MAGI2: variants seen among roughly 807,000 people sequenced by gnomAD.
MAGI2 encodes the protein membrane-associated guanylate kinase, WW and PDZ domain-containing protein 2.
Under a neutral mutation model 133.3 loss-of-function variants are expected in MAGI2, and 35 were observed. The observed-to-expected ratio is 0.26, with a 90% CI of 0.20 to 0.35. MAGI2 has a LOEUF of 0.35. Ranked by LOEUF, MAGI2 falls within the 10% of genes least tolerant of loss-of-function variation. MAGI2 has a pLI of 1.00. For missense variants in MAGI2, 1,636 were observed against 1,863.4 expected (o/e 0.88, Z 2.25); for synonymous variants, 729 against 710.6 (o/e 1.03, Z -0.41).
At chr7:78,456,428 C>T (rs1789328410) in intron 6 of MAGI2, among the ~76,000 whole-genome samples, 1 of 152,102 alleles carries the variant, frequency 6.6e-6, no homozygotes, top group Non-Finnish European at 1.5e-5. Context: ...GGGACTTTTG[C>T]AGTCATCACT....
At chr7:78,495,539 G>A (rs1452457045) in intron 5 of MAGI2, among the ~76,000 whole-genome samples, 2 of 151,946 alleles carry the variant, frequency 1.3e-5, no homozygotes, top group African/African-American at 2.4e-5. Context: ...GGCAATGATC[G>A]GATATATCTA....
chr7:79,285,767 T>C (rs1357284102), intron 1 of MAGI2, among the ~76,000 whole-genome samples: 1 of 152,148 alleles, frequency 6.6e-6, no homozygotes, highest in Non-Finnish European at 1.5e-5. Flanking sequence ...AACGATACTC[T>C]GAAAACTACT....
chr7:79,229,278 GTTTTT>G, intron 1 of MAGI2, among the ~76,000 whole-genome samples: 1 of 152,122 alleles, frequency 6.6e-6, no homozygotes, highest in South Asian at 2.1e-4. Flanking sequence ...GAACATTATT[GTTTTT>G]TTCTACCTCC....
chr7:78,415,879 A>C (rs1798251686), intron 6 of MAGI2, among the ~76,000 whole-genome samples: 2 of 152,296 alleles, frequency 1.3e-5, no homozygotes, highest in South Asian at 4.1e-4. Context: ...TCAACATTTC[A>C]TCTTTGCAGC....
chr7:79,303,891 A>G (rs111335834), intron 1 of MAGI2, among the ~76,000 whole-genome samples: 5,537 of 152,248 alleles, frequency 0.036, 168 homozygotes, highest in Non-Finnish European at 0.051. Flanking sequence ...TTGCTAGATC[A>G]TATCTCCTTC....
chr7:78,994,121 T>G (rs727652), intron 2 of MAGI2, among the ~76,000 whole-genome samples: 99,465 of 151,860 alleles, frequency 0.65, 32,940 homozygotes, highest in Non-Finnish European at 0.7. Context: ...AGAAAACCAG[T>G]AGGAGTCTTG....
intron 1 of MAGI2, among the ~76,000 whole-genome samples, chr7:79,179,416 A>T (rs540861778): frequency 1.3e-5 from 2 of 152,164 alleles, no homozygotes; most frequent in African/African-American, 4.8e-5. Flanking sequence ...ACAGAAATAG[A>T]AAAAACAATC....
intron 1 of MAGI2, chr7:79,012,099 G>A (rs2116592144): frequency 6.6e-6 from 1 of 152,118 alleles, no homozygotes; most frequent in African/African-American, 2.4e-5. Flanking sequence ...GGCTATAGAA[G>A]CAGAGTGCCC....
intron 1 of MAGI2, among the ~76,000 whole-genome samples, chr7:79,112,926 T>G (rs570359509): frequency 6.6e-6 from 1 of 152,236 alleles, no homozygotes; most frequent in African/African-American, 2.4e-5. Context: ...AAATGTAAGA[T>G]AGTTAAACTA....
intron 9 of MAGI2, among the ~76,000 whole-genome samples, chr7:78,308,712 T>G (rs1017124039): frequency 6.6e-6 from 1 of 152,082 alleles, no homozygotes; most frequent in South Asian, 2.1e-4. Flanking sequence ...CCTCCTTAGG[T>G]CTATACTTGA....
intron 6 of MAGI2, among the ~76,000 whole-genome samples, chr7:78,405,861 C>A (rs924075339): frequency 1.3e-5 from 2 of 151,806 alleles, no homozygotes; most frequent in Non-Finnish European, 2.9e-5. Context: ...CTACAAAAAA[C>A]AATAAGCCTT....
intron 6 of MAGI2, among the ~76,000 whole-genome samples, chr7:78,447,992 T>G (rs1788328262): frequency 6.6e-6 from 1 of 152,160 alleles, no homozygotes; most frequent in African/African-American, 2.4e-5. Context: ...CTTCTTTAGA[T>G]TCTACATATA....
At chr7:78,523,434 G>A (rs377621461) in intron 3 of MAGI2, among the ~76,000 whole-genome samples, 52 of 151,990 alleles carry the variant, frequency 3.4e-4, no homozygotes, top group East Asian at 2.5e-3. Context: ...AGCTGAGATC[G>A]CGCCACTGCA....
chr7:79,162,135 T>C (rs974475610), intron 1 of MAGI2, among the ~76,000 whole-genome samples: 7 of 152,098 alleles, frequency 4.6e-5, no homozygotes, highest in African/African-American at 1.4e-4. Context: ...TAAGTTGTTT[T>C]TTCGATCACA....
intron 1 of MAGI2, among the ~76,000 whole-genome samples, chr7:79,044,060 C>T (rs903664854): frequency 2.0e-5 from 3 of 152,084 alleles, no homozygotes; most frequent in African/African-American, 4.8e-5. Context: ...GGTGGGACTG[C>T]TCCCTAACTC....
At chr7:78,900,519 C>T (rs1054868005) in intron 2 of MAGI2, among the ~76,000 whole-genome samples, 5 of 152,062 alleles carry the variant, frequency 3.3e-5, no homozygotes, top group Admixed American at 1.3e-4. Flanking sequence ...CGGCCCTCTA[C>T]CTACAATATT....
chr7:78,152,763 A>C lies in MAGI2; in HGVS notation c.2845+7262T>G, dbSNP rs558406238. 6.6e-5 allele frequency among the ~76,000 whole-genome samples: 10 copies of C among 152,278 alleles called. No homozygotes were observed. In the East Asian group the frequency reaches 1.7e-3, roughly 27 times the overall value. ...AACCAGTACTTTATATAGGTTCCCC[A>C]CCCCACTATTTCTTCTGCTATGAAA... On this transcript the variant is annotated intron_variant, in intron 16 of 21. Coordinates refer to ENST00000354212, the MANE Select transcript of MAGI2 (RefSeq NM_012301.4).
At chr7:78,693,775 G>A (rs1476369481) in intron 2 of MAGI2, among the ~76,000 whole-genome samples, 2 of 152,102 alleles carry the variant, frequency 1.3e-5, no homozygotes, top group African/African-American at 4.8e-5. Context: ...CCTTATGTTA[G>A]TAGTTCAAAT....
chr7:78,804,446 C>CA (rs1563525194), intron 2 of MAGI2, among the ~76,000 whole-genome samples: 3 of 148,848 alleles, frequency 2.0e-5, no homozygotes, highest in African/African-American at 7.4e-5. Context: ...CTAAACTAAA[C>CA]TAAAAAAAAA....
Sources: allele counts gnomAD v4.1 joint callset (sites outside exome capture counted in the v4.1 genomes callset), GRCh38; gene constraint gnomAD v4.1.1; transcripts MANE v1.5; gene names NCBI Gene and HGNC (gene_info 2026-07-23, HGNC 2026-07-21).